Variants in RELN observed in about 807,000 individuals in gnomAD.
RELN encodes the protein reelin.
In RELN, 108 loss-of-function variants were observed where a neutral mutation model predicts 427.6. That is an observed-to-expected ratio of 0.25 (90% CI 0.22 to 0.30). The LOEUF is 0.30. Among genes scored for constraint, RELN ranks in the 10% least tolerant of loss-of-function variants. The probability of loss-of-function intolerance (pLI) is 1.00; values close to 1 mark genes in which losing one functional copy is unlikely to be tolerated. For missense variants in RELN, 3,715 were observed against 4,302.8 expected (o/e 0.86, Z 3.82); for synonymous variants, 1,524 against 1,513.4 (o/e 1.01, Z -0.16).
At chr7:103,642,363 T>C (rs935946411) in intron 16 of RELN, among the ~76,000 whole-genome samples, 6 of 150,210 alleles carry the variant, frequency 4.0e-5, no homozygotes, top group African/African-American at 1.5e-4. Context: ...TTTTTTTTTT[T>C]TTTTGGCAAG....
chr7:103,649,735 T>A (rs200373235), intron 16 of RELN, among the ~76,000 whole-genome samples: 1 of 151,104 alleles, frequency 6.6e-6, no homozygotes, highest in Non-Finnish European at 1.5e-5. Flanking sequence ...CACTTGAAAA[T>A]GAAAGATAAA....
chr7:103,576,305 A>G (rs1041380948), intron 28 of RELN, among the ~76,000 whole-genome samples: 2 of 152,058 alleles, frequency 1.3e-5, no homozygotes, highest in African/African-American at 4.8e-5. Context: ...ATGCCCAGCT[A>G]ATCTTTGTAT....
intron 20 of RELN, among the ~76,000 whole-genome samples, chr7:103,621,837 G>A (rs935224787): frequency 2.6e-5 from 4 of 152,072 alleles, no homozygotes; most frequent in African/African-American, 7.2e-5. Flanking sequence ...GCAACATGGC[G>A]AAACCTTGTT....
chr7:103,738,338 C>A (rs1374535328), intron 6 of RELN, among the ~76,000 whole-genome samples: 5 of 151,914 alleles, frequency 3.3e-5, no homozygotes, highest in Admixed American at 3.3e-4. Flanking sequence ...CCTTTGCAGT[C>A]TCTCTCTGTC....
At chr7:103,796,104 A>G (rs1792291975) in intron 3 of RELN, among the ~76,000 whole-genome samples, 1 of 152,178 alleles carries the variant, frequency 6.6e-6, no homozygotes, top group Admixed American at 6.5e-5. Context: ...ATATAATTTA[A>G]ATATCCCTGG....
chr7:103,680,419 C>T (rs1034646274), intron 11 of RELN, among the ~76,000 whole-genome samples: 23 of 151,954 alleles, frequency 1.5e-4, no homozygotes, highest in African/African-American at 4.1e-4. Flanking sequence ...GAGATGAAAG[C>T]GTGGGAGTAA....
intron 15 of RELN, 39 bp from the exon 16 acceptor site, chr7:103,650,422 G>A (rs774130093): frequency 8.5e-7 from 1 of 1,173,192 alleles, no homozygotes; most frequent in Non-Finnish European, 1.3e-6. Context: ...TCACAACTAT[G>A]TTCATATCTT....
At chr7:103,765,913 C>G (rs1193500848) in intron 4 of RELN, among the ~76,000 whole-genome samples, 1 of 152,186 alleles carries the variant, frequency 6.6e-6, no homozygotes, top group Admixed American at 6.5e-5. Context: ...TTGGGATAAA[C>G]AGCACCAGTC....
intron 1 of RELN, among the ~76,000 whole-genome samples, chr7:103,935,004 G>A (rs79866490): frequency 0.01 from 1,536 of 152,258 alleles, 20 homozygotes; most frequent in African/African-American, 0.034. Context: ...CAATCACTGT[G>A]GCTACACAAG....
At chr7:103,615,128 G>A (rs955082046) in intron 20 of RELN, among the ~76,000 whole-genome samples, 6 of 152,264 alleles carry the variant, frequency 3.9e-5, no homozygotes, top group Middle Eastern at 3.4e-3. Context: ...TGGGAATCAG[G>A]AGGCTTGGCT....
In RELN at chr7:103,520,968, T is replaced by TA. The variant is rs1392491495; in HGVS notation, c.7668+1053_7668+1054insT. On this transcript the variant is annotated intron_variant, in intron 48 of 64. Coordinates refer to ENST00000428762, the MANE Select transcript of RELN (RefSeq NM_005045.4). ...GCAGTAAATTTGTTATTTTTTTTTT[T>TA]TTTTTTTTTTTTTTTTTTTGAGACG... Among the ~76,000 whole-genome samples the TA allele has an allele frequency of 1.1e-3, 129 of 115,500 alleles. 1 individual carries two copies. The highest frequency in any genetic ancestry group is 3.7e-3 in the African/African-American group (120 of 32,138). The allele number at this position is 115,500 out of a possible 152,430, so 75.8% of individuals were successfully genotyped here.
At chr7:103,982,007 A>T (rs996756972) in intron 1 of RELN, among the ~76,000 whole-genome samples, 1 of 152,118 alleles carries the variant, frequency 6.6e-6, no homozygotes, top group South Asian at 2.1e-4. Context: ...TCTCTAGTAA[A>T]AACACAAAAA....
rs1219075859 is a variant in RELN at position 103,640,668 on chromosome 7, T to C, written c.2003-59A>G. ...AACATAGAACACTACCAGTACAATT[T>C]TGTGAAGTAATACTCATGAAATATG... On this transcript the variant is annotated intron_variant, in intron 16 of 64. Transcript: ENST00000428762. This position sits in a 1 kb window ranked among gnomAD's most constrained non-coding sequence, Gnocchi z 4.1. 7 of 1,562,040 alleles carry C rather than the reference T, an allele frequency of 4.5e-6. No homozygotes were observed. The highest frequency in any genetic ancestry group is 2.3e-5 in the East Asian group (1 of 43,972).
intron 16 of RELN, among the ~76,000 whole-genome samples, chr7:103,649,051 G>T (rs1011545896): frequency 6.6e-6 from 1 of 151,944 alleles, no homozygotes; most frequent in African/African-American, 2.4e-5. Flanking sequence ...ATGAAAACTA[G>T]AACTACCATT....
chr7:103,494,393 G>GTGTGTGTGTGTGTGTGTGTGTGTGTGTGT (rs60783765), intron 57 of RELN, among the ~76,000 whole-genome samples: 5 of 150,874 alleles, frequency 3.3e-5, no homozygotes, highest in African/African-American at 1.2e-4. Context: ...GTGTGTGTGT[G>GTGTGTGTGTGTGTGTGTGTGTGTGTGTGT]GGATATGGTC....
chr7:103,554,997 A>G (rs1423263195), intron 38 of RELN, among the ~76,000 whole-genome samples: 1 of 152,190 alleles, frequency 6.6e-6, no homozygotes, highest in Non-Finnish European at 1.5e-5. Flanking sequence ...AAAATATTCT[A>G]TGATCAATAA....
At chr7:103,684,330 A>G (rs1173807676) in intron 10 of RELN, among the ~76,000 whole-genome samples, 1 of 152,128 alleles carries the variant, frequency 6.6e-6, no homozygotes, top group Admixed American at 6.6e-5. Context: ...TGCTTCCTAG[A>G]TGCTCTCCAA....
chr7:103,752,842 C>T (rs191896430), intron 5 of RELN, among the ~76,000 whole-genome samples: 6 of 152,250 alleles, frequency 3.9e-5, no homozygotes, highest in East Asian at 1.9e-4. Context: ...TGCCCACTAG[C>T]TCCATGCTCT....
chr7:103,741,435 CT>C (rs554978185), intron 6 of RELN, among the ~76,000 whole-genome samples: 153 of 151,756 alleles, frequency 1.0e-3, no homozygotes, highest in African/African-American at 3.6e-3. Context: ...TGAAGGAAGA[CT>C]TGGGGACTCA....
Sources: allele counts gnomAD v4.1 joint callset (sites outside exome capture counted in the v4.1 genomes callset), GRCh38; gene constraint gnomAD v4.1.1; non-coding constraint Gnocchi (gnomAD v3.1); transcripts MANE v1.5; gene names NCBI Gene and HGNC (gene_info 2026-07-23, HGNC 2026-07-21).